The following CPSF2 variants were observed in gnomAD, a reference collection of about 807,000 sequenced individuals.
CPSF2 encodes the protein cleavage and polyadenylation specificity factor subunit 2.
Under a neutral mutation model 84.2 loss-of-function variants are expected in CPSF2, and 51 were observed. That is an observed-to-expected ratio of 0.61 (90% CI 0.48 to 0.77). The LOEUF (loss-of-function observed/expected upper bound fraction) is 0.77, where lower values mean the gene tolerates loss of function less well. CPSF2 is among the 30% of genes least tolerant of loss of function. The pLI is 0.00. For synonymous variants in CPSF2, 286 were observed against 311.9 expected (o/e 0.92, Z 0.87); for missense variants, 641 against 929.4 (o/e 0.69, Z 4.03).
intron 9 of CPSF2, 175 bp from the exon 10 acceptor site, chr14:92,154,183 C>T (rs1349412388): frequency 2.1e-6 from 1 of 474,206 alleles, no homozygotes; most frequent in Non-Finnish European, 3.7e-6. Context: ...AATTTTAATA[C>T]TAATCTAAAT....
intron 1 of CPSF2, among the ~76,000 whole-genome samples, chr14:92,124,533 T>C (rs777071673): frequency 6.6e-6 from 1 of 152,162 alleles, no homozygotes; most frequent in Admixed American, 6.5e-5. Context: ...TAAAACTTAG[T>C]CTGAGACATG....
chr14:92,140,908 T>G (rs1399292510), intron 7 of CPSF2, among the ~76,000 whole-genome samples: 1 of 152,092 alleles, frequency 6.6e-6, no homozygotes, highest in African/African-American at 2.4e-5. Flanking sequence ...AGCGAGACCC[T>G]GTCTCAACAA....
At chr14:92,134,966 T>C (rs1174689581) in intron 5 of CPSF2, among the ~76,000 whole-genome samples, 3 of 152,218 alleles carry the variant, frequency 2.0e-5, no homozygotes, top group Non-Finnish European at 4.4e-5. Context: ...ATAAATTCTT[T>C]AGCACAATGA....
chr14:92,132,512 C>T (rs181535572), intron 3 of CPSF2, among the ~76,000 whole-genome samples: 36 of 151,828 alleles, frequency 2.4e-4, no homozygotes, highest in Non-Finnish European at 3.2e-4. Context: ...TGGCTAATGC[C>T]GGTAATCCCA....
At chr14:92,122,580 C>G (rs1209663517) in intron 1 of CPSF2, among the ~76,000 whole-genome samples, 2 of 152,214 alleles carry the variant, frequency 1.3e-5, no homozygotes, top group Non-Finnish European at 2.9e-5. Flanking sequence ...TTCTTCGACT[C>G]CAGAGACCTT....
At position 92,157,610 on chromosome 14, in the gene CPSF2, T is replaced by G; in HGVS notation, c.1596-49T>G. On this transcript the variant is annotated intron_variant, in intron 12 of 15. Coordinates refer to ENST00000298875, the MANE Select transcript of CPSF2 (RefSeq NM_017437.3). The surrounding 1 kb of genome is among the most constrained non-coding windows in gnomAD (Gnocchi z 4.0). ...TGTATACATGATAAAAGCCATTTTT[T>G]TTTAGAATTATGAGAAAAGTAATCT... 7.1e-7 allele frequency: 1 copy of G among 1,402,810 alleles called. No homozygotes were observed. The highest frequency in any genetic ancestry group is 9.9e-7 in the Non-Finnish European group (1 of 1,010,624). The allele number at this position is 1,402,810 out of a possible 1,614,324, so 86.9% of individuals were successfully genotyped here.
rs1035050111 is a variant in CPSF2, at chr14:92,171,199, C to G, written c.*9455C>G. ...TACAGTGCAGTGATGAGATCATAGC[C>G]CACTGCAGCCTCAAACTCCTGGGCT... is the stretch of plus-strand genomic sequence containing the variant. On this transcript the variant is annotated 3_prime_UTR_variant, in exon 16 of 16. Transcript: ENST00000298875. The G allele has an allele frequency of 1.3e-5, 2 of 151,998 alleles. No homozygotes were observed. The highest frequency in any genetic ancestry group is 2.9e-5 in the Non-Finnish European group (2 of 68,032). 9.4% of individuals were successfully genotyped at this position (151,998 alleles called of 1,614,324 possible).
At chr14:92,133,869 T>C (rs1180003100) in intron 3 of CPSF2, 142 bp from the exon 4 acceptor site, 17 of 768,688 alleles carry the variant, frequency 2.2e-5, no homozygotes, top group Non-Finnish European at 3.6e-5. Flanking sequence ...TTGAAATTCA[T>C]AGGTAATCAT....
rs1481251611 is a variant in CPSF2, at chr14:92,165,083, T to A, written c.*3339T>A. ...CTTAGCATAATGTTTTCAGAGTGCA[T>A]CACTGTTGTAACATGTATCAGTACC... On this transcript the variant is annotated 3_prime_UTR_variant, in exon 16 of 16. Transcript: ENST00000298875. 1 of 152,240 alleles carries A rather than the reference T, an allele frequency of 6.6e-6. No individual in the cohort carries two copies. Among genetic ancestry groups the A allele is most frequent in the African/African-American group, 2.4e-5 (1 of 41,460 alleles). The allele number at this position is 152,240 out of a possible 1,614,324, so 9.4% of individuals were successfully genotyped here.
chr14:92,161,339 A>G lies in CPSF2; in HGVS notation c.2256+93A>G, dbSNP rs2069369528. 6 of 1,397,898 alleles carry G rather than the reference A, an allele frequency of 4.3e-6. No individual in the cohort carries two copies. In the East Asian group the frequency reaches 7.4e-5, roughly 17 times the overall value. The allele number at this position is 1,397,898 out of a possible 1,614,324, so 86.6% of individuals were successfully genotyped here. ...GTAATTCTTGTTTGGTATTTTCACA[A>G]AACTGAAGATCAGTAATTTATATTC... On this transcript the variant is annotated intron_variant, in intron 15 of 15. Coordinates refer to ENST00000298875, the MANE Select transcript of CPSF2 (RefSeq NM_017437.3).
At chr14:92,135,616 G>T in intron 6 of CPSF2, 120 bp downstream of exon 6, 1 of 878,294 alleles carries the variant, frequency 1.1e-6, no homozygotes. Flanking sequence ...ACTTAAAACC[G>T]TCAAATAGGG....
chr14:92,166,584 T>G lies in CPSF2; in HGVS notation c.*4840T>G, dbSNP rs773599450. On this transcript the variant is annotated 3_prime_UTR_variant, in exon 16 of 16. Transcript: ENST00000298875. The stretch of plus-strand genomic sequence containing the variant: ...AGCTGGTCATCTCAAACTTCCAGAC[T>G]CAAACAATACTCCCACTTTGGCTGC... 3.9e-5 allele frequency: 6 copies of G among 152,130 alleles called. No homozygotes were observed. The highest frequency in any genetic ancestry group is 7.3e-5 in the Non-Finnish European group (5 of 68,038). 9.4% of individuals were successfully genotyped at this position (152,130 alleles called of 1,614,324 possible).
chr14:92,137,460 C>G (rs1177368240), intron 6 of CPSF2, among the ~76,000 whole-genome samples: 3 of 152,188 alleles, frequency 2.0e-5, no homozygotes, highest in African/African-American at 4.8e-5. Flanking sequence ...CTGCCCACCT[C>G]TGTCTCCCAA....
Position 92,143,236 on chromosome 14 carries a change from C to T in CPSF2, c.1082C>T (p.Pro361Leu). The change falls in exon 9 of 16, where the codon CCT becomes CTT. Residue 361 changes from proline to leucine, a missense_variant. By Grantham distance (98) the Pro-to-Leu change is moderately conservative. This residue lies in a region of CPSF2 where 430 missense variants were observed against 553.6 expected (regional missense o/e 0.78). Coordinates refer to ENST00000298875, the MANE Select transcript of CPSF2 (RefSeq NM_017437.3). ...ATCATTCTAACCTACAGAACTACTC[C>T]TGGGACTTTAGCACGTTTCCTAATT... is the stretch of plus-strand genomic sequence containing the variant. ...NSIILTYRTT[P>L]GTLARFLIDN... The T allele has an allele frequency of 9.3e-6, 15 of 1,613,286 alleles. No individual in the cohort carries two copies. The highest frequency in any genetic ancestry group is 1.3e-5 in the Non-Finnish European group (15 of 1,179,396).
chr14:92,138,475 G>A lies in CPSF2; in HGVS notation c.661+128G>A. The stretch of plus-strand genomic sequence containing the variant: ...GACGGACTTTCGCTCTTTCACCCAG[G>A]CTGGAGTGAAGTGGCGCGATCTCGG... On this transcript the variant is annotated intron_variant, in intron 7 of 15. Coordinates refer to ENST00000298875, the MANE Select transcript of CPSF2 (RefSeq NM_017437.3). 2 of 469,478 alleles carry A rather than the reference G, an allele frequency of 4.3e-6. 1 individual carries two copies. The allele number at this position is 469,478 out of a possible 1,614,324, so 29.1% of individuals were successfully genotyped here. A position where few individuals can be genotyped will look rare whatever the true frequency, so the allele number is the denominator to read the frequency against.
chr14:92,161,256 T>C lies in CPSF2; in HGVS notation c.2256+10T>C. On this transcript the variant is annotated intron_variant, in intron 15 of 15. Coordinates refer to ENST00000298875, the MANE Select transcript of CPSF2 (RefSeq NM_017437.3). ...AGTAGCAGTCCGCAGAGTAAGTGTG[T>C]TTTCAATAAGGGCTGAATTGAACAC... 1 of 1,604,670 alleles carries C rather than the reference T, an allele frequency of 6.2e-7. No homozygotes were observed. The highest frequency in any genetic ancestry group is 8.5e-7 in the Non-Finnish European group (1 of 1,177,122).
At chr14:92,123,236 C>T (rs1469376320) in intron 1 of CPSF2, among the ~76,000 whole-genome samples, 2 of 151,776 alleles carry the variant, frequency 1.3e-5, no homozygotes, top group Non-Finnish European at 1.5e-5. Context: ...TCAAGTGATT[C>T]TCCTGCCTCA....
At chr14:92,154,051 G>A in intron 9 of CPSF2, 1 of 183,268 alleles carries the variant, frequency 5.5e-6, no homozygotes, top group Non-Finnish European at 1.1e-5. Context: ...TGCCCAGGCT[G>A]GTCTTGAACT....
chr14:92,130,807 T>C lies in CPSF2; in HGVS notation c.-34-144T>C, dbSNP rs561884154. ...TAAAAAAAAAAAGTAAACTTGGCAA[T>C]GATGGAAATGGGCCTTTAAACTGCT... On this transcript the variant is annotated intron_variant, in intron 2 of 15. Transcript: ENST00000298875. 6.5e-5 allele frequency: 33 copies of C among 510,434 alleles called. No homozygotes were observed. In the South Asian group the frequency reaches 1.1e-3, roughly 16 times the overall value. The allele number at this position is 510,434 out of a possible 1,614,324, so 31.6% of individuals were successfully genotyped here.
Sources: allele counts gnomAD v4.1 joint callset (sites outside exome capture counted in the v4.1 genomes callset), GRCh38; gene constraint gnomAD v4.1.1; regional missense constraint gnomAD v4.1.1; non-coding constraint Gnocchi (gnomAD v3.1); transcripts MANE v1.5; gene names NCBI Gene and HGNC (gene_info 2026-07-23, HGNC 2026-07-21).